The following RBFOX1 variants were observed in gnomAD, a reference collection of about 807,000 sequenced individuals.
RBFOX1 encodes RNA binding protein fox-1 homolog 1.
In RBFOX1, 8 loss-of-function variants were observed where a neutral mutation model predicts 57.7. The ratio of observed to expected loss-of-function variants is 0.14; its 90% CI spans 0.08 to 0.25. The LOEUF (loss-of-function observed/expected upper bound fraction) is 0.25, where lower values mean the gene tolerates loss of function less well. Among genes scored for constraint, RBFOX1 ranks in the 10% least tolerant of loss-of-function variants. The pLI is 1.00. For missense variants in RBFOX1, 611 were observed against 548.5 expected (o/e 1.11, Z -1.14); for synonymous variants, 326 against 222.4 (o/e 1.47, Z -4.15).
chr16:5,726,212 T>C (rs376912235), intron 3 of RBFOX1, among the ~76,000 whole-genome samples: 9 of 152,180 alleles, frequency 5.9e-5, no homozygotes, highest in Admixed American at 5.2e-4. Flanking sequence ...TTTGTCATTC[T>C]AGATCAGATG....
chr16:7,029,619 C>G (rs1315482044), intron 3 of RBFOX1, among the ~76,000 whole-genome samples: 1 of 151,858 alleles, frequency 6.6e-6, no homozygotes, highest in Non-Finnish European at 1.5e-5. Context: ...CAATTTGTGG[C>G]AAAAAGCAGA....
chr16:6,270,642 G>A lies in RBFOX1; in HGVS notation c.-126-46353G>A, dbSNP rs560226994. Among the ~76,000 whole-genome samples, 321 of 152,174 alleles carry A rather than the reference G, an allele frequency of 2.1e-3. 2 individuals are homozygous for A. The highest frequency in any genetic ancestry group is 3.4e-3 in the Middle Eastern group (1 of 294). On this transcript the variant is annotated intron_variant, in intron 1 of 15. Transcript: ENST00000550418. ...AAGAATATCACAATTATAGTCAGAG[G>A]CTAAACACTATTAGGAATTAATAGG...
chr16:6,294,874 C>A (rs950046174), intron 1 of RBFOX1, among the ~76,000 whole-genome samples: 1 of 151,990 alleles, frequency 6.6e-6, no homozygotes, highest in African/African-American at 2.4e-5. Flanking sequence ...ACACCGTTCC[C>A]TATCATTTAA....
At chr16:6,946,910 A>G (rs767914269) in intron 3 of RBFOX1, among the ~76,000 whole-genome samples, 1 of 152,176 alleles carries the variant, frequency 6.6e-6, no homozygotes, top group Non-Finnish European at 1.5e-5. Flanking sequence ...CATCCAGCCC[A>G]GAAACCTTTC....
At chr16:6,770,594 C>T (rs1021769143) in intron 3 of RBFOX1, among the ~76,000 whole-genome samples, 37 of 145,514 alleles carry the variant, frequency 2.5e-4, no homozygotes, top group African/African-American at 1.0e-3. Context: ...GTTCCCTGTT[C>T]AATTTTTTTT....
intron 2 of RBFOX1, among the ~76,000 whole-genome samples, chr16:6,513,199 C>T (rs762073243): frequency 6.6e-6 from 1 of 152,150 alleles, no homozygotes; most frequent in Non-Finnish European, 1.5e-5. Context: ...GTAAGAATGC[C>T]TAGCATATTG....
At chr16:5,994,243 C>T (rs1016574795) in intron 4 of RBFOX1, among the ~76,000 whole-genome samples, 1 of 152,200 alleles carries the variant, frequency 6.6e-6, no homozygotes, top group Admixed American at 6.5e-5. Context: ...CTCACTGCAA[C>T]CTCTGCCTCC....
At chr16:6,050,269 C>G (rs1267006464) in intron 1 of RBFOX1, among the ~76,000 whole-genome samples, 1 of 152,100 alleles carries the variant, frequency 6.6e-6, no homozygotes, top group African/African-American at 2.4e-5. Flanking sequence ...CTGTATTAAG[C>G]ATCTTTTAAT....
intron 3 of RBFOX1, among the ~76,000 whole-genome samples, chr16:6,751,296 G>A (rs1362424324): frequency 2.6e-5 from 4 of 152,106 alleles, no homozygotes; most frequent in Non-Finnish European, 5.9e-5. Context: ...GAGGAAGTTG[G>A]CAGTGGTACG....
chr16:6,351,925 C>T (rs530795989), intron 2 of RBFOX1, among the ~76,000 whole-genome samples: 4 of 152,212 alleles, frequency 2.6e-5, no homozygotes, highest in East Asian at 1.9e-4. Context: ...GGGGAGTATA[C>T]GGGAGATGCT....
chr16:7,710,763 A>C lies in RBFOX1; in HGVS notation c.*18A>C. The C allele has an allele frequency of 6.5e-7, 1 of 1,542,720 alleles. No homozygotes were observed. Among genetic ancestry groups the C allele is most frequent in the Non-Finnish European group, 8.7e-7 (1 of 1,145,766 alleles). On this transcript the variant is annotated 3_prime_UTR_variant, in exon 16 of 16. Coordinates refer to ENST00000550418, the MANE Select transcript of RBFOX1 (RefSeq NM_018723.4). ...CATACTAAATGACAAAACCATAAAA[A>C]CCTTCCAATGTGGGGAGAAAGGAAG...
At position 6,556,221 on chromosome 16, in the gene RBFOX1, C is replaced by A. The variant is rs1450351322; in HGVS notation, c.-63-98382C>A. Among the ~76,000 whole-genome samples the A allele has an allele frequency of 2.6e-5, 4 of 152,262 alleles. No individual in the cohort carries two copies. The East Asian group carries it at 7.7e-4, about 29-fold the overall frequency. Reference sequence around the variant, plus strand: ...GTAGGAATTGGGTGTTCTTTATCAACGTCTCTCTATCTACTTATCACGGAT... The same window carrying A: ...GTAGGAATTGGGTGTTCTTTATCAAAGTCTCTCTATCTACTTATCACGGAT... On this transcript the variant is annotated intron_variant, in intron 2 of 15. Transcript: ENST00000550418.
chr16:6,922,208 C>T (rs1337371898), intron 3 of RBFOX1, among the ~76,000 whole-genome samples: 1 of 152,110 alleles, frequency 6.6e-6, no homozygotes, highest in African/African-American at 2.4e-5. Context: ...GTTCTTGCTA[C>T]AATGGAGAGG....
chr16:7,087,763 T>G (rs913697339), intron 4 of RBFOX1, among the ~76,000 whole-genome samples: 1 of 152,178 alleles, frequency 6.6e-6, no homozygotes, highest in African/African-American at 2.4e-5. Context: ...TACCCACTGC[T>G]TTCAGTTTTT....
intron 3 of RBFOX1, among the ~76,000 whole-genome samples, chr16:6,683,256 G>T (rs905901047): frequency 1.3e-5 from 2 of 152,206 alleles, no homozygotes; most frequent in Admixed American, 6.5e-5. Flanking sequence ...CATAGTTCCA[G>T]TGCAGAGGTC....
chr16:6,199,596 A>G (rs895181003), intron 1 of RBFOX1, among the ~76,000 whole-genome samples: 9 of 152,318 alleles, frequency 5.9e-5, no homozygotes, highest in African/African-American at 1.9e-4. Context: ...GTTTAATAAT[A>G]TATTGGTTTT....
At chr16:7,613,060 G>C (rs1442086971) in intron 10 of RBFOX1, among the ~76,000 whole-genome samples, 1 of 152,122 alleles carries the variant, frequency 6.6e-6, no homozygotes, top group African/African-American at 2.4e-5. Flanking sequence ...CGGAAATGCA[G>C]ATCTAAGATA....
At chr16:7,063,482 G>A (rs117993180) in intron 4 of RBFOX1, among the ~76,000 whole-genome samples, 1,666 of 152,212 alleles carry the variant, frequency 0.011, 16 homozygotes, top group Non-Finnish European at 0.017. Flanking sequence ...CATTTCCTCA[G>A]CTCTACCCCA....
intron 2 of RBFOX1, among the ~76,000 whole-genome samples, chr16:5,582,139 C>T (rs1238828818): frequency 6.6e-6 from 1 of 152,200 alleles, no homozygotes; most frequent in Non-Finnish European, 1.5e-5. Flanking sequence ...GAGCCCTAAT[C>T]CCAGGGACTT....
Sources: allele counts gnomAD v4.1 joint callset (sites outside exome capture counted in the v4.1 genomes callset), GRCh38; gene constraint gnomAD v4.1.1; transcripts MANE v1.5; gene names NCBI Gene and HGNC (gene_info 2026-07-23, HGNC 2026-07-21).